OR6N1: variants seen among roughly 807,000 people sequenced by gnomAD.
The protein encoded by OR6N1 is olfactory receptor 6N1.
For synonymous variants in OR6N1, 170 were observed against 150.7 expected (o/e 1.13, Z -0.94); for missense variants, 394 against 371.7 (o/e 1.06, Z -0.49).
chr1:158,783,438 A>G, the OR6N1 span, among the ~76,000 whole-genome samples: 1 of 152,168 alleles, frequency 6.6e-6, no homozygotes, highest in Non-Finnish European at 1.5e-5. Context: ...TTTTAAAATC[A>G]CACTCCCCTC....
upstream of OR6N1, among the ~76,000 whole-genome samples, chr1:158,772,728 T>G (rs75664040): frequency 9.7e-4 from 147 of 152,262 alleles, 3 homozygotes; most frequent in East Asian, 0.017. Context: ...CCGTAAAGAG[T>G]GCTGCTTCAG....
chr1:158,802,434 T>C, the OR6N1 span, among the ~76,000 whole-genome samples: 1 of 152,216 alleles, frequency 6.6e-6, no homozygotes, highest in East Asian at 1.9e-4. Context: ...GGTCTCGCTC[T>C]CCTGACCTCG....
the OR6N1 span, among the ~76,000 whole-genome samples, chr1:158,781,420 G>A: frequency 6.6e-6 from 1 of 152,158 alleles, no homozygotes; most frequent in South Asian, 2.1e-4. Flanking sequence ...ACCTGCAGAG[G>A]TGGGCTCAGA....
chr1:158,776,855 G>A (rs751838454), upstream of OR6N1: 71 of 1,613,996 alleles, frequency 4.4e-5, no homozygotes, highest in East Asian at 1.1e-4. Flanking sequence ...TTCTTTAGCC[G>A]CACATACATG....
intron 1 of OR6N1, among the ~76,000 whole-genome samples, chr1:158,770,994 A>T (rs2102010285): frequency 6.6e-6 from 1 of 152,306 alleles, no homozygotes; most frequent in East Asian, 1.9e-4. Flanking sequence ...CATGTGTTCA[A>T]ACATTCTTTT....
the OR6N1 span, among the ~76,000 whole-genome samples, chr1:158,814,043 C>T: frequency 6.6e-6 from 1 of 152,160 alleles, no homozygotes; most frequent in East Asian, 1.9e-4. Context: ...TTTAAGAATG[C>T]ATGTCAATAC....
At chr1:158,797,129 G>C in the OR6N1 span, among the ~76,000 whole-genome samples, 1 of 152,192 alleles carries the variant, frequency 6.6e-6, no homozygotes, top group African/African-American at 2.4e-5. Flanking sequence ...AAGATACAGA[G>C]AGTTTCCCAG....
At chr1:158,790,695 C>T in the OR6N1 span, among the ~76,000 whole-genome samples, 7 of 152,250 alleles carry the variant, frequency 4.6e-5, no homozygotes, top group East Asian at 9.7e-4. Context: ...TGAGCCACTG[C>T]GCCGGGCCTT....
chr1:158,766,747 G>T (rs759662796), intron 1 of OR6N1, 47 bp from the exon 2 acceptor site: 4 of 1,245,680 alleles, frequency 3.2e-6, no homozygotes, highest in African/African-American at 1.5e-5. Flanking sequence ...GAACTATAGG[G>T]TTCTAACAAG....
the OR6N1 span, among the ~76,000 whole-genome samples, chr1:158,809,797 A>T: frequency 6.6e-6 from 1 of 152,194 alleles, no homozygotes; most frequent in Non-Finnish European, 1.5e-5. Context: ...AAACTAGAAG[A>T]AGAAAAAATG....
the OR6N1 span, among the ~76,000 whole-genome samples, chr1:158,826,284 T>A: frequency 4.6e-5 from 7 of 152,310 alleles, no homozygotes; most frequent in South Asian, 2.1e-4. Flanking sequence ...AACATTTTTT[T>A]AAAAACATAC....
rs1558031682 is a variant in OR6N1, at chr1:158,766,300, CG to C, written c.382del (p.Arg128GlyfsTer9). The C allele has an allele frequency of 6.2e-7, 1 of 1,613,856 alleles. No individual in the cohort carries two copies. Among genetic ancestry groups the C allele is most frequent in the African/African-American group, 1.3e-5 (1 of 74,946 alleles). On this transcript the variant is annotated frameshift_variant, in exon 2 of 2. Transcript: ENST00000641846. LOFTEE classifies it low-confidence loss of function (END_TRUNC). ...CATGAGGGTTGGGTAGTGGAGGGGC[CG>C]GCAGATGGCTAAATACCTATCGTAG... ...MAYDRYLAIC[R>X]PLHYPTLMTP...
chr1:158,786,221 C>G, the OR6N1 span, among the ~76,000 whole-genome samples: 11 of 152,206 alleles, frequency 7.2e-5, no homozygotes, highest in Non-Finnish European at 1.3e-4. Flanking sequence ...AATACACAAA[C>G]AGCCAACAAA....
chr1:158,776,854 C>T (rs141853976), upstream of OR6N1: 29 of 1,614,082 alleles, frequency 1.8e-5, no homozygotes, highest in Admixed American at 5.0e-5. Flanking sequence ...CTTCTTTAGC[C>T]GCACATACAT....
chr1:158,780,708 G>A, the OR6N1 span, among the ~76,000 whole-genome samples: 2 of 152,162 alleles, frequency 1.3e-5, no homozygotes, highest in Non-Finnish European at 2.9e-5. Flanking sequence ...TCATACTGTT[G>A]TAAAGTAGAA....
chr1:158,821,229 C>G, the OR6N1 span, among the ~76,000 whole-genome samples: 7 of 152,152 alleles, frequency 4.6e-5, no homozygotes, highest in Non-Finnish European at 1.0e-4. Flanking sequence ...CCCCTCACCC[C>G]ACACATGCAC....
At chr1:158,769,457 C>G (rs1402324717) in intron 1 of OR6N1, among the ~76,000 whole-genome samples, 1 of 152,146 alleles carries the variant, frequency 6.6e-6, no homozygotes, top group Admixed American at 6.5e-5. Flanking sequence ...AGTCACCATG[C>G]TTTGCCAGAA....
chr1:158,791,473 T>C, the OR6N1 span, among the ~76,000 whole-genome samples: 1 of 149,716 alleles, frequency 6.7e-6, no homozygotes, highest in East Asian at 1.9e-4. Context: ...ATTTTGATTT[T>C]TTTTTTTTTT....
chr1:158,794,576 A>G, the OR6N1 span, among the ~76,000 whole-genome samples: 1 of 152,190 alleles, frequency 6.6e-6, no homozygotes, highest in Non-Finnish European at 1.5e-5. Context: ...AGCAGGTACC[A>G]GCACCAGCTC....
Sources: allele counts gnomAD v4.1 joint callset (sites outside exome capture counted in the v4.1 genomes callset), GRCh38; gene constraint gnomAD v4.1.1; transcripts MANE v1.5; gene names NCBI Gene and HGNC (gene_info 2026-07-23, HGNC 2026-07-21).